The following PCDH7 variants were observed in gnomAD, a reference collection of about 807,000 sequenced individuals.
PCDH7 encodes protocadherin 7.
In PCDH7, 17 loss-of-function variants were observed where a neutral mutation model predicts 58.9. The ratio of observed to expected loss-of-function variants is 0.29; its 90% confidence interval spans 0.20 to 0.43. PCDH7 has a LOEUF of 0.43. Ranked by LOEUF, PCDH7 falls within the 20% of genes least tolerant of loss-of-function variation. The pLI, the probability that PCDH7 is intolerant of heterozygous loss-of-function variation, is 1.00. For missense variants in PCDH7, 1,274 were observed against 1,441.0 expected (o/e 0.88, Z 1.88); for synonymous variants, 664 against 616.4 (o/e 1.08, Z -1.14).
At chr4:30,936,855 A>T (rs947041218) in intron 2 of PCDH7, among the ~76,000 whole-genome samples, 2 of 152,142 alleles carry the variant, frequency 1.3e-5, no homozygotes, top group African/African-American at 4.8e-5. Context: ...AATTAAAGAA[A>T]TATACCCAAA....
intron 1 of PCDH7, among the ~76,000 whole-genome samples, chr4:30,844,512 G>C (rs565374768): frequency 4.6e-5 from 7 of 151,984 alleles, no homozygotes; most frequent in Non-Finnish European, 8.8e-5. Context: ...TTCATACTTG[G>C]AGCTTTTCTA....
At chr4:30,883,767 T>A (rs899100929) in intron 1 of PCDH7, among the ~76,000 whole-genome samples, 1 of 152,168 alleles carries the variant, frequency 6.6e-6, no homozygotes, top group Non-Finnish European at 1.5e-5. Context: ...AATGGAAAAG[T>A]AAGAGCTATT....
intron 3 of PCDH7, among the ~76,000 whole-genome samples, chr4:31,031,661 T>C (rs1373028639): frequency 6.6e-6 from 1 of 152,234 alleles, no homozygotes; most frequent in Non-Finnish European, 1.5e-5. Context: ...AAAAAAACTT[T>C]TATTATTCAG....
chr4:31,122,314 C>T (rs905992532), intron 3 of PCDH7, among the ~76,000 whole-genome samples: 1 of 152,160 alleles, frequency 6.6e-6, no homozygotes, highest in Admixed American at 6.6e-5. Flanking sequence ...AATGACACTA[C>T]TTAATCCAGC....
At chr4:30,967,534 T>C (rs1023827363) in intron 3 of PCDH7, among the ~76,000 whole-genome samples, 4 of 152,158 alleles carry the variant, frequency 2.6e-5, no homozygotes, top group African/African-American at 7.2e-5. Context: ...TAGACAATTG[T>C]ATAAACTGAA....
chr4:30,865,644 T>C (rs1439269698), intron 1 of PCDH7, among the ~76,000 whole-genome samples: 1 of 151,976 alleles, frequency 6.6e-6, no homozygotes, highest in East Asian at 1.9e-4. Context: ...TTTACAGTGT[T>C]TTTTAAGGAA....
chr4:30,895,947 G>A (rs550466333), intron 1 of PCDH7, among the ~76,000 whole-genome samples: 79 of 152,178 alleles, frequency 5.2e-4, no homozygotes, highest in African/African-American at 1.4e-3. Flanking sequence ...TACTTCTTCC[G>A]CTTCATCTAA....
intron 3 of PCDH7, among the ~76,000 whole-genome samples, chr4:31,020,208 A>C (rs1753918294): frequency 6.6e-6 from 1 of 152,246 alleles, no homozygotes; most frequent in Non-Finnish European, 1.5e-5. Context: ...CATTCCTCAG[A>C]AAATCCCAAC....
At chr4:30,816,152 A>G (rs1270910140) in intron 1 of PCDH7, among the ~76,000 whole-genome samples, 1 of 152,068 alleles carries the variant, frequency 6.6e-6, no homozygotes, top group Non-Finnish European at 1.5e-5. Context: ...TTTAATAGTA[A>G]ATGTAGGTAA....
chr4:31,079,433 T>A (rs1223293487), intron 3 of PCDH7, among the ~76,000 whole-genome samples: 1 of 144,824 alleles, frequency 6.9e-6, no homozygotes, highest in Non-Finnish European at 1.5e-5. Context: ...GGTAAACACA[T>A]GAAAAGTTGC....
chr4:30,967,962 A>G (rs1469976552), intron 3 of PCDH7, among the ~76,000 whole-genome samples: 1 of 152,084 alleles, frequency 6.6e-6, no homozygotes, highest in Non-Finnish European at 1.5e-5. Context: ...CTTCCAAGAG[A>G]CTAAGCCTTG....
Position 30,998,063 on chromosome 4 carries a change from A to G in PCDH7, c.*7+47848A>G, listed in dbSNP as rs146857229. 6.7e-3 allele frequency among the ~76,000 whole-genome samples: 1,022 copies of G among 152,280 alleles called. 11 individuals carry two copies. Among genetic ancestry groups the G allele is most frequent in the African/African-American group, 0.024 (979 of 41,568 alleles). On this transcript the variant is annotated intron_variant, in intron 3 of 3. Transcript: ENST00000509759. Reference sequence around the variant, plus strand: ...TACAAACTCTGCCAGGGGAAGCTTGAGCATATTTCACAAAGAATATGACTT... The same window carrying G: ...TACAAACTCTGCCAGGGGAAGCTTGGGCATATTTCACAAAGAATATGACTT...
chr4:30,950,089 C>A (rs2109446640), intron 2 of PCDH7: 1 of 152,660 alleles, frequency 6.6e-6, no homozygotes, highest in Non-Finnish European at 1.5e-5. Flanking sequence ...CTGATTTTCC[C>A]TTTACATATT....
intron 1 of PCDH7, among the ~76,000 whole-genome samples, chr4:30,769,152 A>G (rs867794055): frequency 1.1e-4 from 17 of 152,374 alleles, no homozygotes; most frequent in African/African-American, 3.8e-4. Flanking sequence ...AGTTAAGTGT[A>G]GATGAGTTGA....
intron 3 of PCDH7, among the ~76,000 whole-genome samples, chr4:31,114,386 T>C (rs1224222164): frequency 3.3e-5 from 5 of 152,102 alleles, no homozygotes; most frequent in Admixed American, 2.6e-4. Context: ...GGTAACCTAG[T>C]ATATTACCTT....
chr4:31,142,936 C>A (rs1720434061), exon 4 of PCDH7: 1 of 1,006,308 alleles, frequency 9.9e-7, no homozygotes, highest in South Asian at 1.5e-5. Flanking sequence ...CGTTTAATCA[C>A]AAAGAGGGGG....
chr4:30,885,492 T>C (rs1315518349), intron 1 of PCDH7, among the ~76,000 whole-genome samples: 1 of 152,174 alleles, frequency 6.6e-6, no homozygotes, highest in Non-Finnish European at 1.5e-5. Flanking sequence ...TCTTTCAAGA[T>C]AACCTTTATT....
chr4:30,911,517 C>T (rs557891453), intron 1 of PCDH7, among the ~76,000 whole-genome samples: 11 of 152,124 alleles, frequency 7.2e-5, no homozygotes, highest in South Asian at 4.1e-4. Context: ...TTTAAAATAA[C>T]GCAGCAATAA....
At chr4:30,907,401 A>T (rs1026903491) in intron 1 of PCDH7, among the ~76,000 whole-genome samples, 18 of 152,186 alleles carry the variant, frequency 1.2e-4, no homozygotes, top group Admixed American at 1.2e-3. Flanking sequence ...ACTTAAACAA[A>T]TTTACAAGAA....
Sources: allele counts gnomAD v4.1 joint callset (sites outside exome capture counted in the v4.1 genomes callset), GRCh38; gene constraint gnomAD v4.1.1; transcripts MANE v1.5; gene names NCBI Gene and HGNC (gene_info 2026-07-23, HGNC 2026-07-21).